Variants in MAST4 observed in about 807,000 individuals in gnomAD.
MAST4 encodes microtubule-associated serine/threonine-protein kinase 4.
A neutral mutation model predicts 162.7 loss-of-function variants in MAST4; 89 were observed. The ratio of observed to expected loss-of-function variants is 0.55; its 90% CI spans 0.46 to 0.65. The LOEUF (loss-of-function observed/expected upper bound fraction) is 0.65. MAST4 is among the 30% of genes least tolerant of loss of function. MAST4 has a pLI of 0.00. For missense variants in MAST4, 3,153 were observed against 3,374.0 expected (o/e 0.93, Z 1.62); for synonymous variants, 1,479 against 1,361.1 (o/e 1.09, Z -1.91).
intron 1 of MAST4, among the ~76,000 whole-genome samples, chr5:66,683,385 T>G (rs1748447604): frequency 6.6e-6 from 1 of 152,134 alleles, no homozygotes; most frequent in Non-Finnish European, 1.5e-5. Context: ...CCTTTGTATT[T>G]AAAAGGTACA....
chr5:66,676,281 G>A (rs1274051065), intron 1 of MAST4, among the ~76,000 whole-genome samples: 1 of 152,186 alleles, frequency 6.6e-6, no homozygotes, highest in African/African-American at 2.4e-5. Context: ...TGCAAAGAGG[G>A]AGGTTTACAA....
intron 1 of MAST4, among the ~76,000 whole-genome samples, chr5:66,636,689 G>C (rs904730459): frequency 5.3e-5 from 8 of 152,204 alleles, no homozygotes; most frequent in Admixed American, 4.6e-4. Flanking sequence ...TGCCTGGGGT[G>C]TAGCTTTCCT....
At chr5:66,868,427 A>G (rs906639568) in intron 3 of MAST4, among the ~76,000 whole-genome samples, 4 of 150,782 alleles carry the variant, frequency 2.7e-5, no homozygotes, top group African/African-American at 7.3e-5. Flanking sequence ...GTGTATATAT[A>G]TGTATATACA....
At chr5:67,099,334 ATCTC>A (rs1764774789) in intron 7 of MAST4, among the ~76,000 whole-genome samples, 1 of 152,022 alleles carries the variant, frequency 6.6e-6, no homozygotes, top group East Asian at 1.9e-4. Context: ...TTGTAAAATA[ATCTC>A]ATTACATTAT....
At chr5:67,071,841 T>C (rs1353175944) in intron 5 of MAST4, among the ~76,000 whole-genome samples, 1 of 152,134 alleles carries the variant, frequency 6.6e-6, no homozygotes, top group Non-Finnish European at 1.5e-5. Context: ...AAAAGTACTA[T>C]AGTATTGATA....
intron 4 of MAST4, among the ~76,000 whole-genome samples, chr5:66,945,118 T>C (rs990181889): frequency 6.6e-6 from 1 of 152,138 alleles, no homozygotes; most frequent in African/African-American, 2.4e-5. Flanking sequence ...AGGAAGAAAG[T>C]AAATGAACAT....
In MAST4 at chr5:66,986,539, A is replaced by G. The variant is rs1023898348; in HGVS notation, c.675-67865A>G. 33 of 1,456,834 alleles carry G rather than the reference A, an allele frequency of 2.3e-5. 1 individual carries two copies. The Middle Eastern group carries it at 2.3e-3, about 101-fold the overall frequency. 90.2% of individuals were successfully genotyped at this position (1,456,834 alleles called of 1,614,324 possible). On this transcript the variant is annotated intron_variant, in intron 4 of 28. Coordinates refer to ENST00000403625, the MANE Select transcript of MAST4 (RefSeq NM_001164664.2). Reference sequence around the variant, plus strand: ...CCAAAGCTCATATTGTTTCCTTTCCAGTACTTTCTCTCTGTCTTTCCATAT... The same window carrying G: ...CCAAAGCTCATATTGTTTCCTTTCCGGTACTTTCTCTCTGTCTTTCCATAT...
rs755077266 is a variant in MAST4 at position 67,095,631 on chromosome 5, C to T, written c.868C>T (p.Pro290Ser). The T allele has an allele frequency of 6.2e-7, 1 of 1,610,262 alleles. No homozygotes were observed. Among genetic ancestry groups the T allele is most frequent in the East Asian group, 2.2e-5 (1 of 44,826 alleles). Residue 290 changes from proline (P) to serine (S), a missense_variant, in exon 7 of 29, where the codon CCT becomes TCT. This residue lies in a region of MAST4 where 360 missense variants were observed against 450.0 expected (regional missense o/e 0.80). Transcript: ENST00000403625. ...ACGCCGCTGGTCGTTGGCTTCTCTCCCTTCCTCTGGCTATGGGACAAACAC... is the reference window on the plus strand; with the variant it reads ...ACGCCGCTGGTCGTTGGCTTCTCTCTCTTCCTCTGGCTATGGGACAAACAC... ...DGRRWSLASL[P>S]SSGYGTNTPS...
At chr5:66,948,835 A>T (rs909550960) in intron 4 of MAST4, among the ~76,000 whole-genome samples, 3 of 152,086 alleles carry the variant, frequency 2.0e-5, no homozygotes, top group African/African-American at 7.2e-5. Context: ...TCAAGTATTT[A>T]TTGAGTGCCC....
At chr5:67,107,664 A>G (rs1189109034) in intron 10 of MAST4, among the ~76,000 whole-genome samples, 4 of 152,188 alleles carry the variant, frequency 2.6e-5, no homozygotes, top group Admixed American at 6.5e-5. Context: ...CTGTAGGCCT[A>G]TCTCCTAACC....
chr5:66,893,800 G>A (rs981328001), intron 3 of MAST4, among the ~76,000 whole-genome samples: 1 of 152,082 alleles, frequency 6.6e-6, no homozygotes, highest in African/African-American at 2.4e-5. Context: ...GCAACTTACT[G>A]GATTTTTCAA....
chr5:67,023,835 T>A (rs994693559), intron 4 of MAST4, among the ~76,000 whole-genome samples: 6 of 152,200 alleles, frequency 3.9e-5, no homozygotes, highest in East Asian at 1.9e-4. Flanking sequence ...GGTTTTTTTT[T>A]AAATTTTGTC....
chr5:66,882,492 T>C (rs1761755641), intron 3 of MAST4, among the ~76,000 whole-genome samples: 2 of 152,226 alleles, frequency 1.3e-5, no homozygotes, highest in Non-Finnish European at 2.9e-5. Flanking sequence ...ACTGTACTGA[T>C]CATTTATTTT....
intron 4 of MAST4, among the ~76,000 whole-genome samples, chr5:66,933,042 A>C (rs1011060216): frequency 2.0e-5 from 3 of 152,208 alleles, no homozygotes; most frequent in African/African-American, 7.2e-5. Context: ...TGAAACCCAT[A>C]GACATTGGGA....
At chr5:66,855,730 T>C (rs1759634307) in intron 3 of MAST4, among the ~76,000 whole-genome samples, 5 of 152,202 alleles carry the variant, frequency 3.3e-5, no homozygotes, top group Admixed American at 1.3e-4. Context: ...AGAACATGTA[T>C]GCACCACCAG....
chr5:66,732,465 C>T (rs1224341911), intron 1 of MAST4, among the ~76,000 whole-genome samples: 2 of 152,192 alleles, frequency 1.3e-5, no homozygotes, highest in Non-Finnish European at 2.9e-5. Flanking sequence ...CAGAACCACT[C>T]GCTGCATCTT....
At chr5:66,793,028 A>G (rs950052515) in intron 3 of MAST4, among the ~76,000 whole-genome samples, 2 of 152,244 alleles carry the variant, frequency 1.3e-5, no homozygotes, top group Non-Finnish European at 2.9e-5. Flanking sequence ...TTAGTAAGAT[A>G]TAAATGAAGG....
intron 4 of MAST4, among the ~76,000 whole-genome samples, chr5:66,951,598 ATGTGTGTGTG>A (rs59043309): frequency 0.014 from 1,774 of 122,410 alleles, 11 homozygotes; most frequent in South Asian, 0.036. Context: ...CTCCCATGAT[ATGTGTGTGTG>A]TGTGTGTGTG....
At chr5:66,687,270 T>C (rs1455574637) in intron 1 of MAST4, among the ~76,000 whole-genome samples, 2 of 152,142 alleles carry the variant, frequency 1.3e-5, no homozygotes, top group Non-Finnish European at 2.9e-5. Flanking sequence ...TGTCTGTCAT[T>C]GCCATCTTTG....
Sources: allele counts gnomAD v4.1 joint callset (sites outside exome capture counted in the v4.1 genomes callset), GRCh38; gene constraint gnomAD v4.1.1; regional missense constraint gnomAD v4.1.1; transcripts MANE v1.5; gene names NCBI Gene and HGNC (gene_info 2026-07-23, HGNC 2026-07-21).